The following PIP5K1C variants were observed in gnomAD, a reference collection of about 807,000 sequenced individuals.
PIP5K1C encodes the protein phosphatidylinositol 4-phosphate 5-kinase type-1 gamma.
In PIP5K1C, 45 loss-of-function variants were observed where a neutral mutation model predicts 80.1. That is an observed-to-expected ratio of 0.56 (90% CI 0.44 to 0.72). The LOEUF (loss-of-function observed/expected upper bound fraction) is 0.72. Among genes scored for constraint, PIP5K1C ranks in the 30% least tolerant of loss-of-function variants. The probability of loss-of-function intolerance (pLI) is 0.00; values close to 1 mark genes in which losing one functional copy is unlikely to be tolerated. For missense variants in PIP5K1C, 753 were observed against 954.6 expected, an observed-to-expected ratio of 0.79 and a Z score of 2.78; for synonymous variants, 498 against 420.1, an observed-to-expected ratio of 1.19 and a Z score of -2.27.
At chr19:3,677,784 G>A (rs1600062558) in intron 1 of PIP5K1C, among the ~76,000 whole-genome samples, 1 of 86,088 alleles carries the variant, frequency 1.2e-5, no homozygotes, top group Non-Finnish European at 2.4e-5. Flanking sequence ...GAGGGATGGA[G>A]GGAGGGATGC....
chr19:3,678,005 AG>A (rs138918586), intron 1 of PIP5K1C, among the ~76,000 whole-genome samples: 34 of 78,840 alleles, frequency 4.3e-4, no homozygotes, highest in African/African-American at 6.0e-4. Context: ...AGGGATGGAC[AG>A]ATGGAGGGAT....
At chr19:3,662,644 C>T (rs1363047116) in intron 3 of PIP5K1C, among the ~76,000 whole-genome samples, 2 of 152,156 alleles carry the variant, frequency 1.3e-5, no homozygotes, top group Admixed American at 6.5e-5. Context: ...CAGCTCACTG[C>T]AACCTCCACC....
intron 11 of PIP5K1C, among the ~76,000 whole-genome samples, chr19:3,645,119 C>T (rs567259792): frequency 2.0e-5 from 3 of 152,238 alleles, no homozygotes; most frequent in East Asian, 1.9e-4. Context: ...GTGTGCAGGC[C>T]GGGAAGAGCA....
At chr19:3,642,830 G>A (rs1288793016) in intron 14 of PIP5K1C, 77 bp downstream of exon 14, 8 of 1,166,660 alleles carry the variant, frequency 6.9e-6, no homozygotes, top group East Asian at 2.3e-5. Flanking sequence ...CAGAGGGGCT[G>A]GGGGGCGGGA....
intron 1 of PIP5K1C, among the ~76,000 whole-genome samples, chr19:3,698,222 A>G (rs1019248388): frequency 3.3e-5 from 5 of 152,252 alleles, no homozygotes; most frequent in African/African-American, 1.2e-4. Context: ...AGGGGTGGCC[A>G]ACCGGCACGA....
chr19:3,694,877 G>A (rs2036053930), intron 1 of PIP5K1C, among the ~76,000 whole-genome samples: 1 of 152,180 alleles, frequency 6.6e-6, no homozygotes, highest in Non-Finnish European at 1.5e-5. Context: ...ACGCAGCCCG[G>A]CTCTGGGCTG....
At chr19:3,667,467 T>C in intron 1 of PIP5K1C, 114 bp from the exon 2 acceptor site, 2 of 1,134,440 alleles carry the variant, frequency 1.8e-6, no homozygotes, top group Non-Finnish European at 1.3e-6. Flanking sequence ...TAACTCCGCG[T>C]GGGGCTGGTC....
rs967444355 is a variant in PIP5K1C at position 3,653,290 on chromosome 19, C to T, written c.921G>A (p.Leu307=). The part of the protein sequence containing the change: ...ALVKTLQRDC[L]VLESFKIMDY... The stretch of plus-strand genomic sequence containing the variant: ...TCCCCGGCCGGGGCCGAGCCCTCAC[C>T]AGGCAGTCCCGCTGCAGCGTCTTGA... The change falls in exon 7 of 18, where the codon CTG becomes CTA. Residue 307 remains leucine, a splice_region_variant and synonymous_variant. Transcript: ENST00000335312. The T allele has an allele frequency of 3.1e-6, 5 of 1,605,664 alleles. No homozygotes were observed. The Admixed American group carries it at 6.7e-5, about 21-fold the overall frequency.
chr19:3,647,844 G>A (rs185213283), intron 9 of PIP5K1C, among the ~76,000 whole-genome samples: 1 of 152,336 alleles, frequency 6.6e-6, no homozygotes, highest in Non-Finnish European at 1.5e-5. Context: ...CTACTGGGGA[G>A]GCTGGGGCAG....
rs536365243 is a variant in PIP5K1C, at chr19:3,632,897, C to T, written c.*270G>A. 8.3e-4 allele frequency: 421 copies of T among 505,804 alleles called. 4 individuals carry two copies. Among genetic ancestry groups the T allele is most frequent in the African/African-American group, 6.8e-3 (334 of 49,320 alleles). The allele number at this position is 505,804 out of a possible 1,614,324, so 31.3% of individuals were successfully genotyped here. ...TCCTAAAACGGCACACACGTGCTTC[C>T]GTCTCTGTGCCAAATAAGGACTCAA... On this transcript the variant is annotated 3_prime_UTR_variant, in exon 18 of 18. Coordinates refer to ENST00000335312, the MANE Select transcript of PIP5K1C (RefSeq NM_012398.3).
Position 3,699,370 on chromosome 19 carries a change from C to CTT in PIP5K1C, c.94+926_94+927insAA, listed in dbSNP as rs201173585. ...GGACTTGATGACTTCCACACTCTCT[C>CTT]TCTCTCCAGACATCTCCCCAACTCC... On this transcript the variant is annotated intron_variant, in intron 1 of 17. Coordinates refer to ENST00000335312, the MANE Select transcript of PIP5K1C (RefSeq NM_012398.3). 6.7e-4 allele frequency among the ~76,000 whole-genome samples: 102 copies of CTT among 151,828 alleles called. 1 individual carries two copies. In the East Asian group the frequency reaches 0.018, roughly 27 times the overall value.
intron 9 of PIP5K1C, among the ~76,000 whole-genome samples, chr19:3,647,903 C>T (rs12984273): frequency 0.55 from 84,207 of 152,200 alleles, 23,576 homozygotes; most frequent in Middle Eastern, 0.61. Context: ...GCCAAGATCG[C>T]ACCAATGCTC....
chr19:3,684,651 G>A (rs1437188906), intron 1 of PIP5K1C, among the ~76,000 whole-genome samples: 1 of 152,232 alleles, frequency 6.6e-6, no homozygotes, highest in Non-Finnish European at 1.5e-5. Context: ...GACAGCAAAA[G>A]CACTGCAGCG....
chr19:3,699,595 C>T (rs1254113104), intron 1 of PIP5K1C, among the ~76,000 whole-genome samples: 1 of 152,216 alleles, frequency 6.6e-6, no homozygotes, highest in African/African-American at 2.4e-5. Flanking sequence ...TGAGAAGGAA[C>T]TGTTCCCTTC....
At chr19:3,686,277 G>A (rs369086458) in intron 1 of PIP5K1C, among the ~76,000 whole-genome samples, 4 of 151,790 alleles carry the variant, frequency 2.6e-5, no homozygotes, top group South Asian at 2.1e-4. Context: ...AAAATTAGCC[G>A]GGCGTGGTGG....
rs1444105610 is a variant in PIP5K1C at position 3,641,809 on chromosome 19, C to T, written c.1683G>A (p.Arg561=). Residue 561 remains arginine (R), a splice_region_variant and synonymous_variant, in exon 15 of 18, where the codon AGG becomes AGA. Transcript: ENST00000335312. ...CTTCCGCGGGTGGCTCCTCCTGCGG[C>T]CTGCAGGCAATGGGAGGTTGTGCCT... ...RRTQSSGQDG[R]PQEEPPAEED... The T allele has an allele frequency of 1.2e-6, 2 of 1,609,842 alleles. No homozygotes were observed. Among genetic ancestry groups the T allele is most frequent in the Admixed American group, 1.7e-5 (1 of 60,018 alleles).
chr19:3,670,499 C>T (rs1005230407), intron 1 of PIP5K1C, among the ~76,000 whole-genome samples: 7 of 152,160 alleles, frequency 4.6e-5, no homozygotes, highest in Admixed American at 3.9e-4. Context: ...TCTCCGAGGT[C>T]GGTCGGGAGG....
In PIP5K1C at chr19:3,656,293, C is replaced by T. The variant is rs796995496; in HGVS notation, c.621+112G>A. 11 of 1,243,548 alleles carry T rather than the reference C, an allele frequency of 8.8e-6. No individual in the cohort carries two copies. In the African/African-American group the frequency reaches 1.6e-4, roughly 18 times the overall value. The allele number at this position is 1,243,548 out of a possible 1,614,324, so 77.0% of individuals were successfully genotyped here. ...AGTCCCCGGGACCCAAGATGCCTCTCACCACGCCCCAAGGATGCCTGCTTG... is the reference window on the plus strand; with the variant it reads ...AGTCCCCGGGACCCAAGATGCCTCTTACCACGCCCCAAGGATGCCTGCTTG... On this transcript the variant is annotated intron_variant, in intron 6 of 17. Transcript: ENST00000335312.
chr19:3,644,439 C>T (rs767227191), intron 11 of PIP5K1C, among the ~76,000 whole-genome samples, 188 bp from the exon 12 acceptor site: 2 of 152,148 alleles, frequency 1.3e-5, no homozygotes, highest in East Asian at 1.9e-4. Context: ...ACTGCGAGCC[C>T]GAGTTCCCTG....
Sources: gnomAD v4.1 joint callset for allele counts (sites outside exome capture counted in the v4.1 genomes callset) on GRCh38, gnomAD v4.1.1 for gene constraint, MANE v1.5 for transcripts, NCBI Gene and HGNC (gene_info 2026-07-23, HGNC 2026-07-21) for gene names.